The following MYO6 variants were observed in gnomAD, a reference collection of about 807,000 sequenced individuals.
MYO6 encodes the protein unconventional myosin-VI.
Under a neutral mutation model 178.7 loss-of-function variants are expected in MYO6, and 74 were observed. That is an observed-to-expected ratio of 0.41 (90% CI 0.34 to 0.50). The LOEUF is 0.50. MYO6 is among the 20% of genes least tolerant of loss of function. MYO6 has a pLI of 0.09. For synonymous variants in MYO6, 477 were observed against 504.6 expected (o/e 0.95, Z 0.73); for missense variants, 1,330 against 1,547.4 (o/e 0.86, Z 2.36).
intron 3 of MYO6, among the ~76,000 whole-genome samples, chr6:75,824,854 G>GGTTCCA (rs2150192816): frequency 6.6e-6 from 1 of 151,840 alleles, no homozygotes; most frequent in Admixed American, 6.6e-5. Context: ...TCGCCTCCCG[G>GGTTCCA]GTTCCAGCAA....
rs58697772 is a variant in MYO6 at position 75,805,021 on chromosome 6, A to ATTTTTTT, written c.-47-12466_-47-12460dup. On this transcript the variant is annotated intron_variant, in intron 1 of 34. Coordinates refer to ENST00000369977, the MANE Select transcript of MYO6 (RefSeq NM_004999.4). ...CACACACATATATATATATATATATATTTTTTTTTTTTTTTTTTTTGAGAC... is the reference window on the plus strand; with the variant it reads ...CACACACATATATATATATATATATATTTTTTTTTTTTTTTTTTTTTTTTTTTGAGAC... Among the ~76,000 whole-genome samples the ATTTTTTT allele has an allele frequency of 1.6e-3, 122 of 77,286 alleles. 8 individuals are homozygous for ATTTTTTT. The highest frequency in any genetic ancestry group is 9.9e-3 in the African/African-American group (98 of 9,850). The allele number at this position is 77,286 out of a possible 152,430, so 50.7% of individuals were successfully genotyped here.
At chr6:75,826,359 C>G (rs1241235209) in intron 3 of MYO6, among the ~76,000 whole-genome samples, 1 of 152,214 alleles carries the variant, frequency 6.6e-6, no homozygotes, top group Non-Finnish European at 1.5e-5. Context: ...AATAAACACA[C>G]ATCCCTGAAA....
chr6:75,898,686 C>T (rs1484847316), intron 30 of MYO6, among the ~76,000 whole-genome samples: 6 of 152,188 alleles, frequency 3.9e-5, no homozygotes, highest in Admixed American at 3.3e-4. Context: ...TATCTCTGGC[C>T]TCCACCAACT....
chr6:75,830,204 G>GTAAAT lies in MYO6; in HGVS notation c.262-212_262-211insTAAAT, dbSNP rs1276924601. On this transcript the variant is annotated intron_variant, in intron 4 of 34. Transcript: ENST00000369977. ...ATATGCCGAACTAAAGGTGCCTATGGGTTGGTAAGATACAAATATTTATTA... is the reference window on the plus strand; with the variant it reads ...ATATGCCGAACTAAAGGTGCCTATGGTAAATGTTGGTAAGATACAAATATTTATTA... Among the ~76,000 whole-genome samples the GTAAAT allele has an allele frequency of 7.9e-5, 12 of 152,220 alleles. No individual in the cohort carries two copies. In the East Asian group the frequency reaches 2.3e-3, roughly 29 times the overall value.
At chr6:75,796,756 C>T (rs576573468) in intron 1 of MYO6, among the ~76,000 whole-genome samples, 30 of 152,162 alleles carry the variant, frequency 2.0e-4, no homozygotes, top group African/African-American at 7.2e-4. Flanking sequence ...GCATGAGCCA[C>T]CACACCTGGC....
At chr6:75,854,277 T>TG (rs1441023576) in intron 11 of MYO6, among the ~76,000 whole-genome samples, 2 of 15,576 alleles carry the variant, frequency 1.3e-4, no homozygotes, top group African/African-American at 2.2e-4. Context: ...CTGCATTGCT[T>TG]TTTTTTTTTT....
Position 75,817,535 on chromosome 6 carries a change from T to C in MYO6, c.-13T>C. ...GATAGTGGAAACAGGAGATCGTGGATCCTCCTTCAAAAATGGAGGATGGAA... is the reference window on the plus strand; with the variant it reads ...GATAGTGGAAACAGGAGATCGTGGACCCTCCTTCAAAAATGGAGGATGGAA... On this transcript the variant is annotated 5_prime_UTR_variant, in exon 2 of 35. Coordinates refer to ENST00000369977, the MANE Select transcript of MYO6 (RefSeq NM_004999.4). The C allele has an allele frequency of 6.2e-7, 1 of 1,603,806 alleles. No homozygotes were observed.
intron 5 of MYO6, 47 bp downstream of exon 5, chr6:75,830,592 T>C: frequency 6.4e-7 from 1 of 1,551,912 alleles, no homozygotes. Context: ...CTTTATATTG[T>C]ACAAATTTAC....
intron 14 of MYO6, among the ~76,000 whole-genome samples, chr6:75,859,681 T>G (rs1776029289): frequency 6.8e-6 from 1 of 147,764 alleles, no homozygotes; most frequent in Admixed American, 6.7e-5. Context: ...TTTTTTTTTT[T>G]TTTTGAGACG....
chr6:75,788,723 C>T (rs1048927503), intron 1 of MYO6, among the ~76,000 whole-genome samples: 48 of 152,274 alleles, frequency 3.2e-4, no homozygotes, highest in Middle Eastern at 3.4e-3. Context: ...CAGGCATGAA[C>T]CACTGCCTCC....
chr6:75,822,393 C>T lies in MYO6; in HGVS notation c.118-389C>T, dbSNP rs985723314. Among the ~76,000 whole-genome samples the T allele has an allele frequency of 9.2e-5, 14 of 152,188 alleles. No individual in the cohort carries two copies. In the East Asian group the frequency reaches 2.1e-3, roughly 23 times the overall value. ...GATTATAGGCATGAGCCACTGTGCC[C>T]GGTTACTTTTTCCTTTTTTAAAACA... On this transcript the variant is annotated intron_variant, in intron 2 of 34. Coordinates refer to ENST00000369977, the MANE Select transcript of MYO6 (RefSeq NM_004999.4).
intron 1 of MYO6, among the ~76,000 whole-genome samples, chr6:75,751,995 CT>C (rs1239585313): frequency 1.5e-3 from 208 of 142,342 alleles, no homozygotes; most frequent in Admixed American, 1.4e-3. Flanking sequence ...TTTATTTATT[CT>C]TTTTTTTTTT....
intron 9 of MYO6, among the ~76,000 whole-genome samples, chr6:75,841,915 A>G (rs1318640116): frequency 6.6e-6 from 1 of 152,168 alleles, no homozygotes; most frequent in African/African-American, 2.4e-5. Flanking sequence ...GAATAGATAA[A>G]AGGATAGATG....
intron 18 of MYO6, among the ~76,000 whole-genome samples, chr6:75,870,369 C>A (rs1347955713): frequency 6.6e-6 from 1 of 152,168 alleles, no homozygotes; most frequent in Non-Finnish European, 1.5e-5. Flanking sequence ...CTCATTCATT[C>A]CATCTGCAAA....
At chr6:75,842,331 T>C (rs1361722383) in intron 9 of MYO6, among the ~76,000 whole-genome samples, 1 of 152,184 alleles carries the variant, frequency 6.6e-6, no homozygotes, top group Non-Finnish European at 1.5e-5. Flanking sequence ...GTATGGAGTA[T>C]GGGAATGTAG....
chr6:75,759,562 G>C (rs972023476), intron 1 of MYO6, among the ~76,000 whole-genome samples: 3 of 151,990 alleles, frequency 2.0e-5, no homozygotes, highest in Non-Finnish European at 1.5e-5. Context: ...GAACCCAGCT[G>C]GGGAGCCCAG....
chr6:75,902,381 T>G (rs1007008113), intron 30 of MYO6, among the ~76,000 whole-genome samples: 1 of 152,224 alleles, frequency 6.6e-6, no homozygotes, highest in African/African-American at 2.4e-5. Context: ...GGTAAGCTAT[T>G]GATTATTGCC....
chr6:75,771,432 G>T (rs1386645600), intron 1 of MYO6, among the ~76,000 whole-genome samples: 2 of 152,148 alleles, frequency 1.3e-5, no homozygotes, highest in African/African-American at 4.8e-5. Flanking sequence ...TTTAACTCAA[G>T]GTACATTTAT....
At chr6:75,857,063 A>AGC in intron 12 of MYO6, 34 bp from the exon 13 acceptor site, 6 of 1,609,936 alleles carry the variant, frequency 3.7e-6, no homozygotes, top group Non-Finnish European at 5.1e-6. Context: ...GCACTATTAT[A>AGC]AAGAATTTTT....
Sources: allele counts gnomAD v4.1 joint callset (sites outside exome capture counted in the v4.1 genomes callset), GRCh38; gene constraint gnomAD v4.1.1; transcripts MANE v1.5; gene names NCBI Gene and HGNC (gene_info 2026-07-23, HGNC 2026-07-21).